Variants in ARL13B observed in about 807,000 individuals in gnomAD.
The protein encoded by ARL13B is ARF like GTPase 13B.
ARL13B carries 36 observed loss-of-function variants against 56.1 expected under a neutral mutation model. That is an observed-to-expected ratio of 0.64 (90% confidence interval 0.49 to 0.85). The LOEUF (loss-of-function observed/expected upper bound fraction) is 0.85, where lower values mean the gene tolerates loss of function less well. Ranked by LOEUF, ARL13B falls within the 40% of genes least tolerant of loss-of-function variation. ARL13B has a pLI of 0.00. For missense variants in ARL13B, 519 were observed against 507.1 expected (o/e 1.02, Z -0.23); for synonymous variants, 178 against 171.1 (o/e 1.04, Z -0.32).
At chr3:94,024,928 T>G (rs1332802656) in intron 3 of ARL13B, among the ~76,000 whole-genome samples, 2 of 152,150 alleles carry the variant, frequency 1.3e-5, no homozygotes, top group Admixed American at 6.5e-5. Flanking sequence ...TCAAAAGCCT[T>G]TTTCTAAAGC....
At chr3:94,051,027 C>A in intron 9 of ARL13B, 135 bp downstream of exon 9, 1 of 717,612 alleles carries the variant, frequency 1.4e-6, no homozygotes, top group Non-Finnish European at 2.3e-6. Flanking sequence ...TTTCATTATA[C>A]GTCTTTTTTC....
At chr3:94,031,164 C>T (rs537361039) in intron 3 of ARL13B, among the ~76,000 whole-genome samples, 7 of 152,158 alleles carry the variant, frequency 4.6e-5, no homozygotes, top group Admixed American at 1.3e-4. Flanking sequence ...TGCACTTAAG[C>T]CTGGGCAACA....
At chr3:94,009,467 G>C (rs1028265270) in intron 3 of ARL13B, among the ~76,000 whole-genome samples, 4 of 151,910 alleles carry the variant, frequency 2.6e-5, no homozygotes, top group South Asian at 2.1e-4. Flanking sequence ...ATAGGTTATG[G>C]TTATCCTAAT....
Position 94,043,125 on chromosome 3 carries a change from G to A in ARL13B, c.909G>A (p.Gln303=). 6.2e-7 allele frequency: 1 copy of A among 1,613,634 alleles called. No homozygotes were observed. The highest frequency in any genetic ancestry group is 8.5e-7 in the Non-Finnish European group (1 of 1,179,900). Residue 303 remains glutamine (Q), a synonymous_variant, in exon 7 of 10, where the codon CAG becomes CAA. Coordinates refer to ENST00000394222, the MANE Select transcript of ARL13B (RefSeq NM_001174150.2). ...MEHEQIETQG[Q]VNHNGQKNNE... is the part of the protein sequence containing the mutation. The stretch of plus-strand genomic sequence containing the variant: ...ATGAGCAAATAGAGACACAAGGCCA[G>A]GTTAATCACAATGGCCAAAAAAATA...
chr3:94,055,126 T>C lies in ARL13B; in HGVS notation c.*1863T>C, dbSNP rs971201845. On this transcript the variant is annotated 3_prime_UTR_variant, in exon 10 of 10. Transcript: ENST00000394222. ...TTTATATAGCTCTCTCAAAAATTAA[T>C]TTTTATTCCTTAAGCATTTTAAAAA... 2.7e-6 allele frequency: 1 copy of C among 366,164 alleles called. No homozygotes were observed. The highest frequency in any genetic ancestry group is 2.2e-5 in the African/African-American group (1 of 46,248). 22.7% of individuals were successfully genotyped at this position (366,164 alleles called of 1,614,324 possible).
intron 3 of ARL13B, among the ~76,000 whole-genome samples, chr3:94,017,271 A>T (rs963983323): frequency 1.3e-5 from 2 of 152,208 alleles, no homozygotes; most frequent in Non-Finnish European, 2.9e-5. Context: ...TGCAAGTGAG[A>T]TTAGACTTAC....
intron 6 of ARL13B, among the ~76,000 whole-genome samples, chr3:94,042,631 GATAC>G (rs567766236): frequency 1.1e-4 from 16 of 152,086 alleles, no homozygotes; most frequent in African/African-American, 3.9e-4. Context: ...AGTATATATA[GATAC>G]ATATATTTAT....
chr3:93,999,141 A>G (rs977948414), intron 2 of ARL13B, among the ~76,000 whole-genome samples: 5 of 151,644 alleles, frequency 3.3e-5, no homozygotes, highest in South Asian at 4.2e-4. Context: ...GAGTCTCACT[A>G]TGTTGCCCAG....
At chr3:94,002,949 A>G (rs891469532) in intron 2 of ARL13B, among the ~76,000 whole-genome samples, 7 of 152,036 alleles carry the variant, frequency 4.6e-5, no homozygotes, top group South Asian at 4.1e-4. Context: ...TATCTCTCCA[A>G]TGAGGTCTTT....
At chr3:93,999,389 C>G (rs2076018009) in intron 2 of ARL13B, among the ~76,000 whole-genome samples, 1 of 152,120 alleles carries the variant, frequency 6.6e-6, no homozygotes, top group African/African-American at 2.4e-5. Context: ...TAGAGGTGTG[C>G]TCCACAATGC....
chr3:94,025,296 A>G (rs1438762746), intron 3 of ARL13B, among the ~76,000 whole-genome samples: 1 of 152,144 alleles, frequency 6.6e-6, no homozygotes, highest in Middle Eastern at 3.2e-3. Flanking sequence ...CATTATTGAT[A>G]TTAAAGGCAA....
At chr3:94,016,026 G>A (rs1271935936) in intron 3 of ARL13B, among the ~76,000 whole-genome samples, 1 of 151,936 alleles carries the variant, frequency 6.6e-6, no homozygotes, top group East Asian at 1.9e-4. Context: ...CTTATTTTAG[G>A]AGTAATAATG....
At position 94,035,371 on chromosome 3, in the gene ARL13B, G is replaced by A; in HGVS notation, c.421G>A (p.Ala141Thr). ...AGATAAAGAAGGAGCTTTAGGAGAA[G>A]CTGATGTCATTGAATGTCTATCTCT... Reference protein sequence around the residue: ...KQDKEGALGEADVIECLSLEK... With the variant: ...KQDKEGALGETDVIECLSLEK... The change falls in exon 4 of 10, where the codon GCT becomes ACT. Residue 141 changes from alanine (A) to threonine (T), a missense_variant. Transcript: ENST00000394222. 6.2e-7 allele frequency: 1 copy of A among 1,610,078 alleles called. No homozygotes were observed. The highest frequency in any genetic ancestry group is 8.5e-7 in the Non-Finnish European group (1 of 1,179,002).
At chr3:93,981,479 G>A (rs1225188903) in intron 1 of ARL13B, among the ~76,000 whole-genome samples, 1 of 151,982 alleles carries the variant, frequency 6.6e-6, no homozygotes, top group African/African-American at 2.4e-5. Flanking sequence ...GAAAATACAT[G>A]TCTAGATTGG....
In ARL13B at chr3:94,049,443, A is replaced by G. The variant is rs952984386; in HGVS notation, c.1062A>G (p.Lys354=). ...AGAAAACTAAGAAACTAAGAATGAA[A>G]AGGAACCACCGGGTAGAACCACTTA... is the stretch of plus-strand genomic sequence containing the variant. ...GKKKTKKLRM[K]RNHRVEPLNI... is the part of the protein sequence containing the mutation. Residue 354 remains lysine, a synonymous_variant, in exon 8 of 10, where the codon AAA becomes AAG. Transcript: ENST00000394222. The G allele has an allele frequency of 5.0e-6, 8 of 1,609,618 alleles. No individual in the cohort carries two copies. The highest frequency in any genetic ancestry group is 5.9e-6 in the Non-Finnish European group (7 of 1,178,286).
chr3:94,003,089 A>T (rs1455828915), intron 2 of ARL13B, among the ~76,000 whole-genome samples: 1 of 152,184 alleles, frequency 6.6e-6, no homozygotes. Context: ...ATTTATTGGA[A>T]CATCCAAAAT....
intron 1 of ARL13B, among the ~76,000 whole-genome samples, chr3:93,984,236 A>G (rs547423947): frequency 3.0e-3 from 458 of 152,178 alleles, no homozygotes; most frequent in South Asian, 4.8e-3. Context: ...GGCACCTGCA[A>G]TACCAGCTAC....
intron 1 of ARL13B, among the ~76,000 whole-genome samples, chr3:93,980,963 C>T (rs1337640583): frequency 2.0e-5 from 3 of 152,148 alleles, no homozygotes; most frequent in African/African-American, 7.2e-5. Context: ...ACCATTTTGG[C>T]CCCACCTTTC....
chr3:94,005,976 G>A (rs2107446137), intron 3 of ARL13B, among the ~76,000 whole-genome samples: 1 of 152,230 alleles, frequency 6.6e-6, no homozygotes, highest in African/African-American at 2.4e-5. Flanking sequence ...ATATTTATGA[G>A]ACAAGTAATG....
Sources: gnomAD v4.1 joint callset for allele counts (sites outside exome capture counted in the v4.1 genomes callset) on GRCh38, gnomAD v4.1.1 for gene constraint, MANE v1.5 for transcripts, NCBI Gene and HGNC (gene_info 2026-07-23, HGNC 2026-07-21) for gene names.